GPR158: variants seen among roughly 807,000 people sequenced by gnomAD.
GPR158 encodes the protein metabotropic glycine receptor.
GPR158 carries 30 observed loss-of-function variants against 78.2 expected under a neutral mutation model. That is an observed-to-expected ratio of 0.38 (90% CI 0.29 to 0.52). GPR158 has a LOEUF of 0.52. Among genes scored for constraint, GPR158 ranks in the 20% least tolerant of loss-of-function variants. The probability of loss-of-function intolerance (pLI) is 0.83; values close to 1 mark genes in which losing one functional copy is unlikely to be tolerated. For synonymous variants in GPR158, 581 were observed against 591.1 expected (o/e 0.98, Z 0.25); for missense variants, 1,463 against 1,523.5 (o/e 0.96, Z 0.66).
At chr10:25,361,191 G>A (rs1256070119) in intron 2 of GPR158, among the ~76,000 whole-genome samples, 1 of 151,756 alleles carries the variant, frequency 6.6e-6, no homozygotes, top group Non-Finnish European at 1.5e-5. Context: ...ATGGTATTTG[G>A]CTTTTTGTGA....
chr10:25,324,414 G>A (rs1171752087), intron 2 of GPR158, among the ~76,000 whole-genome samples: 1 of 152,212 alleles, frequency 6.6e-6, no homozygotes, highest in Non-Finnish European at 1.5e-5. Flanking sequence ...AGATATGGGA[G>A]AACAGCTGGT....
intron 2 of GPR158, among the ~76,000 whole-genome samples, chr10:25,376,439 T>C (rs1834080859): frequency 6.6e-6 from 1 of 151,694 alleles, no homozygotes; most frequent in Non-Finnish European, 1.5e-5. Flanking sequence ...CTTTCCTCTT[T>C]GATTCTTTCT....
intron 3 of GPR158, among the ~76,000 whole-genome samples, chr10:25,408,383 A>G (rs1834542684): frequency 6.6e-6 from 1 of 151,972 alleles, no homozygotes; most frequent in South Asian, 2.1e-4. Flanking sequence ...CAATTTGTCC[A>G]TTGTTTTTGG....
In GPR158 at chr10:25,356,706, G is replaced by A. The variant is rs149258491; in HGVS notation, c.1009-39205G>A. On this transcript the variant is annotated intron_variant, in intron 2 of 10. Coordinates refer to ENST00000376351, the MANE Select transcript of GPR158 (RefSeq NM_020752.3). ...ATGATTGTGAGGCCTCCGCAGCCAT[G>A]TGAAACTGTAAGTCCAATAAACCTC... Among the ~76,000 whole-genome samples the A allele has an allele frequency of 4.1e-3, 618 of 152,252 alleles. 1 individual carries two copies. The highest frequency in any genetic ancestry group is 6.8e-3 in the Middle Eastern group (2 of 294).
At chr10:25,384,086 CTTTATTA>C (rs1834190396) in intron 2 of GPR158, among the ~76,000 whole-genome samples, 2 of 152,052 alleles carry the variant, frequency 1.3e-5, no homozygotes, top group Non-Finnish European at 1.5e-5. Flanking sequence ...TTTACCCTTA[CTTTATTA>C]TTTATTATCT....
chr10:25,597,025 A>G (rs1359010851), intron 10 of GPR158, among the ~76,000 whole-genome samples: 1 of 152,238 alleles, frequency 6.6e-6, no homozygotes, highest in African/African-American at 2.4e-5. Context: ...TTCAACTTTT[A>G]TAGTAACCTG....
rs769628744 is a variant in GPR158 at position 25,175,446 on chromosome 10, T to C, written c.26T>C (p.Leu9Pro). The C allele has an allele frequency of 6.3e-7, 1 of 1,590,302 alleles. No individual in the cohort carries two copies. Reference protein sequence around the residue: MGAMAYPLLLCLLLAQLGL... With the variant: MGAMAYPLPLCLLLAQLGL... Reference sequence around the variant, plus strand: ...ATGGGAGCCATGGCTTACCCCTTACTCCTCTGCCTCCTGCTTGCTCAGCTG... The same window carrying C: ...ATGGGAGCCATGGCTTACCCCTTACCCCTCTGCCTCCTGCTTGCTCAGCTG... The change falls in exon 1 of 11, where the codon CTC becomes CCC. Residue 9 changes from leucine (L) to proline (P), a missense_variant. Leu to Pro is a moderately conservative substitution (Grantham distance 98). Transcript: ENST00000376351. The surrounding 1 kb of genome is among the most constrained non-coding windows in gnomAD (Gnocchi z 6.4).
chr10:25,428,165 A>G (rs10764550), intron 4 of GPR158, among the ~76,000 whole-genome samples: 106,295 of 151,902 alleles, frequency 0.7, 38,206 homozygotes, highest in Non-Finnish European at 0.8. Flanking sequence ...AAGAAACTTC[A>G]TTTTTGTAAA....
intron 2 of GPR158, among the ~76,000 whole-genome samples, chr10:25,306,757 A>G (rs2130456097): frequency 6.6e-6 from 1 of 152,200 alleles, no homozygotes; most frequent in Non-Finnish European, 1.5e-5. Context: ...TTTCTTCTTT[A>G]TCCCTCAGAT....
chr10:25,282,656 T>C (rs1854293171), intron 2 of GPR158, among the ~76,000 whole-genome samples: 1 of 152,132 alleles, frequency 6.6e-6, no homozygotes. Flanking sequence ...TTTAAAATAA[T>C]GTTAGTCCGT....
chr10:25,425,380 A>G (rs1834806004), intron 4 of GPR158, among the ~76,000 whole-genome samples: 1 of 152,106 alleles, frequency 6.6e-6, no homozygotes, highest in Admixed American at 6.6e-5. Flanking sequence ...TGCAGGAGTG[A>G]AAGTGGTATC....
intron 4 of GPR158, among the ~76,000 whole-genome samples, chr10:25,444,712 T>A (rs1348961565): frequency 1.3e-5 from 2 of 152,042 alleles, no homozygotes; most frequent in Admixed American, 1.3e-4. Flanking sequence ...CAGTGGGGAA[T>A]AATGTCACTA....
At chr10:25,469,933 C>T (rs190459834) in intron 5 of GPR158, among the ~76,000 whole-genome samples, 70 of 151,956 alleles carry the variant, frequency 4.6e-4, no homozygotes, top group African/African-American at 1.5e-3. Flanking sequence ...CCATGCTAGC[C>T]GCCTAGAATC....
intron 2 of GPR158, among the ~76,000 whole-genome samples, chr10:25,307,558 A>AT (rs998309654): frequency 3.6e-4 from 54 of 150,960 alleles, no homozygotes; most frequent in South Asian, 8.4e-4. Flanking sequence ...TAATTTTTTA[A>AT]TTTTTTTTAT....
At chr10:25,194,750 G>A (rs928142520) in intron 1 of GPR158, among the ~76,000 whole-genome samples, 4 of 151,896 alleles carry the variant, frequency 2.6e-5, no homozygotes, top group Middle Eastern at 3.2e-3. Flanking sequence ...ATTTGGTTTC[G>A]TTATATTCCT....
chr10:25,564,294 C>T (rs1227195242), intron 6 of GPR158, among the ~76,000 whole-genome samples: 2 of 152,286 alleles, frequency 1.3e-5, no homozygotes, highest in Non-Finnish European at 2.9e-5. Flanking sequence ...TTGGGCCCTT[C>T]TCAGGCCTTT....
At chr10:25,277,778 T>C (rs1854205753) in intron 2 of GPR158, among the ~76,000 whole-genome samples, 1 of 152,182 alleles carries the variant, frequency 6.6e-6, no homozygotes, top group Non-Finnish European at 1.5e-5. Context: ...TTCACTTGGC[T>C]GGCAAACTGA....
chr10:25,521,095 A>T (rs745868379), intron 5 of GPR158, among the ~76,000 whole-genome samples: 2 of 152,210 alleles, frequency 1.3e-5, no homozygotes, highest in Non-Finnish European at 2.9e-5. Context: ...CCGTCGGAAA[A>T]GCGCAGTATT....
At chr10:25,468,484 G>T (rs1835454180) in intron 5 of GPR158, among the ~76,000 whole-genome samples, 1 of 152,150 alleles carries the variant, frequency 6.6e-6, no homozygotes, top group African/African-American at 2.4e-5. Flanking sequence ...AAGTGTGACT[G>T]CATATGAAAG....
Sources: gnomAD v4.1 joint callset for allele counts (sites outside exome capture counted in the v4.1 genomes callset) on GRCh38, gnomAD v4.1.1 for gene constraint, Gnocchi (gnomAD v3.1) non-coding constraint, MANE v1.5 for transcripts, NCBI Gene and HGNC (gene_info 2026-07-23, HGNC 2026-07-21) for gene names.